The following MDFIC variants were observed in gnomAD, a reference collection of about 807,000 sequenced individuals.
MDFIC encodes myoD family inhibitor domain-containing protein.
Under a neutral mutation model 23.2 loss-of-function variants are expected in MDFIC, and 17 were observed. That is an observed-to-expected ratio of 0.73 (90% CI 0.50 to 1.10). The LOEUF (loss-of-function observed/expected upper bound fraction) is 1.10, where lower values mean the gene tolerates loss of function less well. Among genes scored for constraint, MDFIC ranks in the 50% least tolerant of loss-of-function variants. The pLI is 0.00. For missense variants in MDFIC, 356 were observed against 316.6 expected, an observed-to-expected ratio of 1.12 and a Z score of -0.95; for synonymous variants, 120 against 115.2, an observed-to-expected ratio of 1.04 and a Z score of -0.27.
At chr7:114,961,214 C>A (rs996284506) in intron 3 of MDFIC, among the ~76,000 whole-genome samples, 1 of 152,180 alleles carries the variant, frequency 6.6e-6, no homozygotes, top group African/African-American at 2.4e-5. Context: ...AACACATGAA[C>A]ACTCCTAACC....
intron 4 of MDFIC, chr7:115,014,662 C>A (rs1210816214): frequency 1.7e-6 from 1 of 598,272 alleles, no homozygotes; most frequent in Non-Finnish European, 2.3e-6. Flanking sequence ...AGAATTAATT[C>A]TGGTAAAAAT....
chr7:114,966,288 A>AT (rs1373372809), intron 3 of MDFIC, among the ~76,000 whole-genome samples: 1 of 151,580 alleles, frequency 6.6e-6, no homozygotes, highest in Non-Finnish European at 1.5e-5. Context: ...GTAAAGAATG[A>AT]TTTGTGAGTG....
intron 4 of MDFIC, among the ~76,000 whole-genome samples, chr7:115,004,988 G>A (rs774622331): frequency 2.6e-5 from 4 of 152,142 alleles, no homozygotes; most frequent in Non-Finnish European, 2.9e-5. Flanking sequence ...CTTATATTCC[G>A]CATTAATTAA....
chr7:115,001,124 A>T lies in MDFIC; in HGVS notation c.494-14564A>T, dbSNP rs1791459120. On this transcript the variant is annotated intron_variant, in intron 4 of 4. Transcript: ENST00000393486. ...ATTAGAATAATAAAATTGAATAATT[A>T]TTAAGTAGTTTGCTCAAGGATATTA... 1.3e-5 allele frequency among the ~76,000 whole-genome samples: 2 copies of T among 152,222 alleles called. 1 individual carries two copies. Among genetic ancestry groups the T allele is most frequent in the South Asian group, 4.1e-4 (2 of 4,830 alleles).
At chr7:114,943,735 C>T (rs1792593575) in intron 3 of MDFIC, among the ~76,000 whole-genome samples, 1 of 152,154 alleles carries the variant, frequency 6.6e-6, no homozygotes, top group African/African-American at 2.4e-5. Flanking sequence ...GACTTCCTAG[C>T]AACCAGAGTT....
chr7:114,983,791 G>C (rs2115985058), intron 4 of MDFIC, among the ~76,000 whole-genome samples: 1 of 151,860 alleles, frequency 6.6e-6, no homozygotes, highest in African/African-American at 2.4e-5. Context: ...GGCTGGTCTT[G>C]AACTCCTGAC....
At chr7:114,999,711 C>G (rs1187534734) in intron 4 of MDFIC, among the ~76,000 whole-genome samples, 1 of 151,774 alleles carries the variant, frequency 6.6e-6, no homozygotes, top group Non-Finnish European at 1.5e-5. Context: ...GTTGAATATA[C>G]CAGGAAGGTA....
At chr7:115,012,632 A>T (rs1203103725) in intron 4 of MDFIC, among the ~76,000 whole-genome samples, 2 of 152,160 alleles carry the variant, frequency 1.3e-5, no homozygotes, top group African/African-American at 4.8e-5. Flanking sequence ...AATGTTAAGA[A>T]CAGCGATGTT....
At position 114,958,526 on chromosome 7, in the gene MDFIC, G is replaced by A. The variant is rs570974218; in HGVS notation, c.217+16129G>A. 7.9e-5 allele frequency among the ~76,000 whole-genome samples: 12 copies of A among 152,246 alleles called. 1 individual carries two copies. Among genetic ancestry groups the A allele is most frequent in the Admixed American group, 4.6e-4 (7 of 15,296 alleles). On this transcript the variant is annotated intron_variant, in intron 3 of 4. Transcript: ENST00000393486. ...AGCACTTTGGGAGGCAGAGGCAGGCGGATCACCTGAGGTCAGGAGTTCGAG... is the reference window on the plus strand; with the variant it reads ...AGCACTTTGGGAGGCAGAGGCAGGCAGATCACCTGAGGTCAGGAGTTCGAG...
At position 114,991,176 on chromosome 7, in the gene MDFIC, G is replaced by A. The variant is rs181043361; in HGVS notation, c.493+11395G>A. Among the ~76,000 whole-genome samples, 869 of 152,216 alleles carry A rather than the reference G, an allele frequency of 5.7e-3. 7 individuals are homozygous for A. Among genetic ancestry groups the A allele is most frequent in the South Asian group, 0.024 (118 of 4,824 alleles). ...TGAGAAGTGTCTGTTCATCTCCTTC[G>A]CCCACTTTGTGATGGGGTTGTTTGT... is the stretch of plus-strand genomic sequence containing the variant. On this transcript the variant is annotated intron_variant, in intron 4 of 4. Transcript: ENST00000393486.
intron 3 of MDFIC, among the ~76,000 whole-genome samples, chr7:114,965,776 TA>T (rs1038302446): frequency 4.6e-5 from 7 of 152,226 alleles, no homozygotes; most frequent in African/African-American, 1.7e-4. Flanking sequence ...TGTATGAGAA[TA>T]AGCAATATTT....
chr7:114,959,865 G>A (rs1397390153), intron 3 of MDFIC, among the ~76,000 whole-genome samples: 1 of 146,326 alleles, frequency 6.8e-6, no homozygotes, highest in Non-Finnish European at 1.5e-5. Flanking sequence ...TGGGACTGGA[G>A]GAAAAGTGAA....
In MDFIC at chr7:114,979,494, T is replaced by G. The variant is rs1003921298; in HGVS notation, c.218-12T>G. ...TCTTTAACTGGCTGACTTTTTCCTG[T>G]TTTTAATTTAGCCCAACCTCAGCGC... On this transcript the variant is annotated splice_polypyrimidine_tract_variant and intron_variant, in intron 3 of 4. Transcript: ENST00000393486. 3.8e-6 allele frequency: 6 copies of G among 1,573,330 alleles called. No individual in the cohort carries two copies.
intron 3 of MDFIC, among the ~76,000 whole-genome samples, chr7:114,966,658 C>T (rs974237375): frequency 1.3e-5 from 2 of 151,970 alleles, no homozygotes; most frequent in African/African-American, 4.8e-5. Flanking sequence ...AATAAAAGAA[C>T]AAAATAATAT....
At chr7:115,006,913 G>A (rs1791580458) in intron 4 of MDFIC, among the ~76,000 whole-genome samples, 1 of 111,890 alleles carries the variant, frequency 8.9e-6, no homozygotes, top group Non-Finnish European at 2.0e-5. Context: ...AGCCAGCACT[G>A]AATAGGTTCA....
chr7:114,973,101 G>GTGTGTA (rs367602602), intron 3 of MDFIC, among the ~76,000 whole-genome samples: 7 of 147,746 alleles, frequency 4.7e-5, no homozygotes, highest in African/African-American at 1.5e-4. Flanking sequence ...GTGTGTGTGT[G>GTGTGTA]TATATATATA....
chr7:114,946,225 A>AGTGT (rs141050062), intron 3 of MDFIC, among the ~76,000 whole-genome samples: 2,578 of 149,692 alleles, frequency 0.017, 66 homozygotes, highest in African/African-American at 0.058. Flanking sequence ...TAGGAAGAAG[A>AGTGT]GTGTGTGTGT....
Position 114,934,061 on chromosome 7 carries a change from C to T in MDFIC, c.95-8214C>T, listed in dbSNP as rs539930130. 3.9e-5 allele frequency: 6 copies of T among 152,300 alleles called. No homozygotes were observed. The East Asian group carries it at 1.2e-3, about 29-fold the overall frequency. The allele number at this position is 152,300 out of a possible 1,614,324, so 9.4% of individuals were successfully genotyped here. On this transcript the variant is annotated intron_variant, in intron 2 of 4. Coordinates refer to ENST00000393486, the MANE Select transcript of MDFIC (RefSeq NM_001166345.3). The stretch of plus-strand genomic sequence containing the variant: ...TCATCTGAATTTATTTTATCAGCTT[C>T]TCAGAGGGACCTGTGAGAGCACATC...
intron 4 of MDFIC, among the ~76,000 whole-genome samples, chr7:114,984,386 G>A (rs755472651): frequency 6.6e-6 from 1 of 151,710 alleles, no homozygotes; most frequent in East Asian, 1.9e-4. Context: ...GAGTTAACAC[G>A]TGATACAATG....
Sources: allele counts gnomAD v4.1 joint callset (sites outside exome capture counted in the v4.1 genomes callset), GRCh38; gene constraint gnomAD v4.1.1; transcripts MANE v1.5; gene names NCBI Gene and HGNC (gene_info 2026-07-23, HGNC 2026-07-21).